Variants in ARHGEF26 observed in about 807,000 individuals in gnomAD.
ARHGEF26 encodes the protein Rho guanine nucleotide exchange factor (GEF) 26.
ARHGEF26 carries 59 observed loss-of-function variants against 89.4 expected under a neutral mutation model. The ratio of observed to expected loss-of-function variants is 0.66; its 90% CI spans 0.54 to 0.82. The LOEUF (loss-of-function observed/expected upper bound fraction) is 0.82. Ranked by LOEUF, ARHGEF26 falls within the 40% of genes least tolerant of loss-of-function variation. ARHGEF26 has a pLI of 0.00. For synonymous variants in ARHGEF26, 500 were observed against 428.4 expected, an observed-to-expected ratio of 1.17 and a Z score of -2.06; for missense variants, 1,234 against 1,085.6, an observed-to-expected ratio of 1.14 and a Z score of -1.92.
In ARHGEF26 at chr3:154,121,955, G is replaced by A. The variant is rs1232573164; in HGVS notation, c.-38G>A. On this transcript the variant is annotated 5_prime_UTR_variant, in exon 2 of 15. Transcript: ENST00000465093. ...TTTCCTCTTTAGGCAAGACTAACTC[G>A]GTGTTGCTCCTCCCGGCGCTGACTT... The A allele has an allele frequency of 6.5e-7, 1 of 1,549,924 alleles. No individual in the cohort carries two copies. The highest frequency in any genetic ancestry group is 8.7e-7 in the Non-Finnish European group (1 of 1,144,098).
intron 3 of ARHGEF26, among the ~76,000 whole-genome samples, chr3:154,125,205 G>A (rs1446955449): frequency 6.6e-6 from 1 of 152,098 alleles, no homozygotes; most frequent in African/African-American, 2.4e-5. Flanking sequence ...ATAAAGAAGG[G>A]AGTGCCCCTC....
Position 154,122,713 on chromosome 3 carries a change from G to C in ARHGEF26, c.721G>C (p.Ala241Pro), listed in dbSNP as rs768399926. ...PSVVLSTNSP[A>P]ALKVGKQQII... Reference sequence around the variant, plus strand: ...CGTGGTTTTGAGTACAAACAGCCCCGCCGCCCTCAAAGTGGGGAAGCAGCA... The same window carrying C: ...CGTGGTTTTGAGTACAAACAGCCCCCCCGCCCTCAAAGTGGGGAAGCAGCA... The change falls in exon 2 of 15, where the codon GCC (alanine) becomes CCC (proline). Residue 241 changes from alanine to proline, a missense_variant. Physicochemically the swap from Ala to Pro is conservative, Grantham distance 27. Coordinates refer to ENST00000465093, the MANE Select transcript of ARHGEF26 (RefSeq NM_015595.4). 322 of 1,613,386 alleles carry C rather than the reference G, an allele frequency of 2.0e-4. No homozygotes were observed. Among genetic ancestry groups the C allele is most frequent in the Non-Finnish European group, 2.7e-4 (313 of 1,179,702 alleles).
chr3:154,212,385 A>T (rs1240997916), intron 9 of ARHGEF26, among the ~76,000 whole-genome samples: 1 of 151,840 alleles, frequency 6.6e-6, no homozygotes, highest in Non-Finnish European at 1.5e-5. Flanking sequence ...ATAAGTGTAC[A>T]TTGCAGAATA....
rs59508481 is a variant in ARHGEF26 at position 154,122,170 on chromosome 3, C to T, written c.178C>T (p.Leu60Phe). The change falls in exon 2 of 15, where the codon CTC becomes TTC. Residue 60 changes from leucine to phenylalanine, a missense_variant. Coordinates refer to ENST00000465093, the MANE Select transcript of ARHGEF26 (RefSeq NM_015595.4). ...DFPVEDGGTL[L>F]AAQIPAQVPT... ...CCCGGTGGAGGACGGAGGGACGCTC[C>T]TCGCAGCGCAGATTCCCGCCCAGGT... 1,150,996 of 1,597,306 alleles carry T rather than the reference C, an allele frequency of 0.72. 418,618 individuals are homozygous for T. Among genetic ancestry groups the T allele is most frequent in the South Asian group, 0.76 (67,882 of 88,838 alleles).
chr3:154,241,629 G>C (rs773447378), intron 12 of ARHGEF26, among the ~76,000 whole-genome samples: 1 of 152,200 alleles, frequency 6.6e-6, no homozygotes, highest in Middle Eastern at 3.2e-3. Context: ...TTGCAGCAAC[G>C]TCTCCAGTAG....
At chr3:154,201,807 G>C (rs1023407034) in intron 9 of ARHGEF26, among the ~76,000 whole-genome samples, 1 of 152,106 alleles carries the variant, frequency 6.6e-6, no homozygotes, top group Non-Finnish European at 1.5e-5. Context: ...GTCTTCTTTT[G>C]AGAAGTATCT....
intron 4 of ARHGEF26, among the ~76,000 whole-genome samples, chr3:154,143,987 G>A (rs575720595): frequency 6.6e-6 from 1 of 152,308 alleles, no homozygotes; most frequent in South Asian, 2.1e-4. Context: ...GTTAGAGAGA[G>A]CCACAAGGAA....
At chr3:154,140,667 C>T (rs1329752133) in intron 4 of ARHGEF26, among the ~76,000 whole-genome samples, 2 of 151,036 alleles carry the variant, frequency 1.3e-5, no homozygotes, top group Non-Finnish European at 2.9e-5. Context: ...TCACTGCAAC[C>T]TCCGCCTCCC....
intron 10 of ARHGEF26, among the ~76,000 whole-genome samples, chr3:154,222,851 G>T (rs1716221889): frequency 6.6e-6 from 1 of 152,096 alleles, no homozygotes; most frequent in Non-Finnish European, 1.5e-5. Context: ...AATGAGAGGG[G>T]AATAAATCAA....
chr3:154,198,750 TAA>T (rs1714439491), intron 9 of ARHGEF26, among the ~76,000 whole-genome samples: 1 of 152,028 alleles, frequency 6.6e-6, no homozygotes, highest in Non-Finnish European at 1.5e-5. Context: ...GGGCTTGGGA[TAA>T]AAGAGTACAC....
intron 6 of ARHGEF26, among the ~76,000 whole-genome samples, chr3:154,173,841 T>C (rs933578786): frequency 3.3e-5 from 5 of 152,210 alleles, no homozygotes; most frequent in Admixed American, 6.5e-5. Flanking sequence ...AAAACTCAGT[T>C]TGTTTCTAAA....
At chr3:154,184,072 A>G (rs1360403277) in intron 6 of ARHGEF26, among the ~76,000 whole-genome samples, 1 of 149,444 alleles carries the variant, frequency 6.7e-6, no homozygotes, top group Non-Finnish European at 1.5e-5. Flanking sequence ...TCCTGGGTTC[A>G]CGCCATTCTC....
At chr3:154,160,237 C>T (rs551443065) in intron 6 of ARHGEF26, among the ~76,000 whole-genome samples, 1 of 152,192 alleles carries the variant, frequency 6.6e-6, no homozygotes, top group East Asian at 1.9e-4. Flanking sequence ...GTATTCTAGT[C>T]CATGTTGTTC....
intron 4 of ARHGEF26, among the ~76,000 whole-genome samples, chr3:154,138,791 G>C (rs549258153): frequency 1.2e-4 from 18 of 152,260 alleles, no homozygotes; most frequent in Middle Eastern, 3.4e-3. Flanking sequence ...CTTCATCAAG[G>C]GCCTGCCCCA....
At chr3:154,158,219 T>G (rs983004030) in intron 6 of ARHGEF26, among the ~76,000 whole-genome samples, 1 of 152,156 alleles carries the variant, frequency 6.6e-6, no homozygotes, top group Admixed American at 6.6e-5. Flanking sequence ...AAAGAAACAT[T>G]TAAGGAGCCT....
At chr3:154,154,144 T>A (rs1720187798) in intron 6 of ARHGEF26, among the ~76,000 whole-genome samples, 2 of 152,126 alleles carry the variant, frequency 1.3e-5, no homozygotes, top group South Asian at 4.1e-4. Context: ...AAGTTCACGT[T>A]ATTCTATTTA....
At chr3:154,239,295 AGAGAGT>A (rs1559920592) in intron 11 of ARHGEF26, among the ~76,000 whole-genome samples, 17 of 58,692 alleles carry the variant, frequency 2.9e-4, no homozygotes, top group Non-Finnish European at 4.1e-4. Context: ...AGAGAGAGAG[AGAGAGT>A]GTGTGTGTGT....
In ARHGEF26 at chr3:154,250,319, G is replaced by A. The variant is rs761080868; in HGVS notation, c.2301-2797G>A. On this transcript the variant is annotated intron_variant, in intron 12 of 14. Transcript: ENST00000465093. The stretch of plus-strand genomic sequence containing the variant: ...TGGGATTACAAGTGTGAGCCGCCCC[G>A]CCCGGCCTCTTGGCAGACTCTTGAA... Among the ~76,000 whole-genome samples the A allele has an allele frequency of 1.4e-4, 21 of 152,136 alleles. 1 individual carries two copies. The highest frequency in any genetic ancestry group is 6.2e-4 in the South Asian group (3 of 4,824).
At position 154,254,139 on chromosome 3, in the gene ARHGEF26, T is replaced by C. The variant is rs373711547; in HGVS notation, c.2369-581T>C. Among the ~76,000 whole-genome samples the C allele has an allele frequency of 1.2e-4, 18 of 152,242 alleles. No homozygotes were observed. The East Asian group carries it at 1.9e-3, about 16-fold the overall frequency. On this transcript the variant is annotated intron_variant, in intron 13 of 14. Transcript: ENST00000465093. Reference sequence around the variant, plus strand: ...ACCGTGTTAGCCAGGATGGTCCCAATCTCCTGACCTCGTGATCCGCCTGCC... The same window carrying C: ...ACCGTGTTAGCCAGGATGGTCCCAACCTCCTGACCTCGTGATCCGCCTGCC...
Sources: gnomAD v4.1 joint callset for allele counts (sites outside exome capture counted in the v4.1 genomes callset) on GRCh38, gnomAD v4.1.1 for gene constraint, MANE v1.5 for transcripts, NCBI Gene and HGNC (gene_info 2026-07-23, HGNC 2026-07-21) for gene names.